KCNE4: variants seen among roughly 807,000 people sequenced by gnomAD.
KCNE4 encodes potassium voltage-gated channel subfamily E regulatory subunit 4.
A neutral mutation model predicts 9.2 loss-of-function variants in KCNE4; 6 were observed. The ratio of observed to expected loss-of-function variants is 0.65; its 90% confidence interval spans 0.36 to 1.29. The LOEUF (loss-of-function observed/expected upper bound fraction) is 1.29, where lower values mean the gene tolerates loss of function less well. Among genes scored for constraint, KCNE4 ranks in the 50% most tolerant of loss-of-function variants. The pLI is 0.03. For missense variants in KCNE4, 222 were observed against 228.8 expected (o/e 0.97, Z 0.19); for synonymous variants, 115 against 103.2 (o/e 1.11, Z -0.70).
rs2106183313 is a variant in KCNE4, at chr2:223,053,388, A to C, written c.*45A>C. The C allele has an allele frequency of 1.3e-6, 2 of 1,557,472 alleles. No individual in the cohort carries two copies. Among genetic ancestry groups the C allele is most frequent in the Middle Eastern group, 1.7e-4 (1 of 5,994 alleles). On this transcript the variant is annotated 3_prime_UTR_variant, in exon 2 of 2. Coordinates refer to ENST00000281830, the MANE Select transcript of KCNE4 (RefSeq NM_080671.4). This position sits in a 1 kb window ranked among gnomAD's most constrained non-coding sequence, Gnocchi z 4.1. ...GGTGGCTCCATCAGCCAGCAACCTT[A>C]GAGAGAGGAAAGACAGTTTTCAAGT...
chr2:223,053,627 A>C lies in KCNE4; in HGVS notation c.*284A>C. 2.1e-6 allele frequency: 1 copy of C among 473,600 alleles called. No individual in the cohort carries two copies. Among genetic ancestry groups the C allele is most frequent in the Non-Finnish European group, 4.0e-6 (1 of 250,018 alleles). 29.3% of individuals were successfully genotyped at this position (473,600 alleles called of 1,614,324 possible). Reference sequence around the variant, plus strand: ...CCTGGGTGTTGGGGTTCTGATCAGAATTTGGCGGGATGATATGTTTGCCAT... The same window carrying C: ...CCTGGGTGTTGGGGTTCTGATCAGACTTTGGCGGGATGATATGTTTGCCAT... On this transcript the variant is annotated 3_prime_UTR_variant, in exon 2 of 2. Coordinates refer to ENST00000281830, the MANE Select transcript of KCNE4 (RefSeq NM_080671.4). This position sits in a 1 kb window ranked among gnomAD's most constrained non-coding sequence, Gnocchi z 4.1.
intron 1 of KCNE4, 55 bp from the exon 2 acceptor site, chr2:223,052,753 A>C (rs1574611420): frequency 1.3e-6 from 2 of 1,583,060 alleles, no homozygotes; most frequent in Non-Finnish European, 1.7e-6. Context: ...GTGCTCCCCC[A>C]CCTCCCTGTG....
Position 223,053,033 on chromosome 2 carries a change from G to C in KCNE4, c.203G>C (p.Ser68Thr), listed in dbSNP as rs1574611652. Residue 68 changes from serine (S) to threonine (T), a missense_variant, in exon 2 of 2, where the codon AGC becomes ACC. Ser to Thr is a moderately conservative substitution (Grantham distance 58, BLOSUM62 1). Transcript: ENST00000281830. The surrounding 1 kb of genome is among the most constrained non-coding windows in gnomAD (Gnocchi z 4.1). ...MKSKRREKKS[S>T]LLLLYKDEER... ...TCCAAGAGGCGGGAGAAGAAGTCCA[G>C]CCTCCTGCTGCTGTACAAAGACGAG... is the stretch of plus-strand genomic sequence containing the variant. 3.7e-6 allele frequency: 6 copies of C among 1,614,222 alleles called. No individual in the cohort carries two copies. Among genetic ancestry groups the C allele is most frequent in the African/African-American group, 2.7e-5 (2 of 75,072 alleles).
rs186773181 is a variant in KCNE4 at position 223,054,775 on chromosome 2, C to T, written c.*1432C>T. The T allele has an allele frequency of 4.2e-5, 7 of 166,800 alleles. No individual in the cohort carries two copies. The highest frequency in any genetic ancestry group is 1.9e-4 in the East Asian group (1 of 5,186). The allele number at this position is 166,800 out of a possible 1,614,324, so 10.3% of individuals were successfully genotyped here. A position where few individuals can be genotyped will look rare whatever the true frequency, so the allele number is the denominator to read the frequency against. On this transcript the variant is annotated 3_prime_UTR_variant, in exon 2 of 2. Coordinates refer to ENST00000281830, the MANE Select transcript of KCNE4 (RefSeq NM_080671.4). ...CCTGTGGTCAACAGTTTCGCAGATC[C>T]GTTAGGCCCTTAAAGACAAGGAGGA...
rs1698726811 is a variant in KCNE4 at position 223,053,531 on chromosome 2, G to A, written c.*188G>A. Reference sequence around the variant, plus strand: ...GAACCAGCACCTCCAAGGAGTCCGGGAGGTGCCTGTGGTTTGCACCCACCA... The same window carrying A: ...GAACCAGCACCTCCAAGGAGTCCGGAAGGTGCCTGTGGTTTGCACCCACCA... On this transcript the variant is annotated 3_prime_UTR_variant, in exon 2 of 2. Transcript: ENST00000281830. The surrounding 1 kb of genome is among the most constrained non-coding windows in gnomAD (Gnocchi z 4.1). 5 of 657,912 alleles carry A rather than the reference G, an allele frequency of 7.6e-6. No homozygotes were observed. The South Asian group carries it at 9.1e-5, about 12-fold the overall frequency. The allele number at this position is 657,912 out of a possible 1,614,324, so 40.8% of individuals were successfully genotyped here. A position where few individuals can be genotyped will look rare whatever the true frequency, so the allele number is the denominator to read the frequency against.
At position 223,055,177 on chromosome 2, in the gene KCNE4, A is replaced by G. The variant is rs970750203; in HGVS notation, c.*1834A>G. ...CCGGCCACTTTTTTTTTTTTTAAAG[A>G]AAAATGCTCTGCATGGATTGGAGAC... On this transcript the variant is annotated 3_prime_UTR_variant, in exon 2 of 2. Transcript: ENST00000281830. 1.2e-5 allele frequency: 2 copies of G among 165,868 alleles called. No individual in the cohort carries two copies. The highest frequency in any genetic ancestry group is 2.1e-4 in the South Asian group (1 of 4,770). 10.3% of individuals were successfully genotyped at this position (165,868 alleles called of 1,614,324 possible).
At position 223,054,839 on chromosome 2, in the gene KCNE4, T is replaced by TA; in HGVS notation, c.*1503dup. ...ATTTAAATCTATTTAAAAAAACTTT[T>TA]AAAAAAATTATTTATTTATTATTAT... On this transcript the variant is annotated 3_prime_UTR_variant, in exon 2 of 2. Transcript: ENST00000281830. 1 of 166,664 alleles carries TA rather than the reference T, an allele frequency of 6.0e-6. No individual in the cohort carries two copies. 10.3% of individuals were successfully genotyped at this position (166,664 alleles called of 1,614,324 possible).
chr2:223,054,916 G>A lies in KCNE4; in HGVS notation c.*1573G>A, dbSNP rs908554929. On this transcript the variant is annotated 3_prime_UTR_variant, in exon 2 of 2. Coordinates refer to ENST00000281830, the MANE Select transcript of KCNE4 (RefSeq NM_080671.4). ...TCTGTTGCCCAGGCTGGAGTGCAGT[G>A]GTGCAATCTTGGCTCACTGCAACCT... 1.8e-5 allele frequency: 3 copies of A among 166,436 alleles called. No homozygotes were observed. The highest frequency in any genetic ancestry group is 6.5e-5 in the Admixed American group (1 of 15,286). The allele number at this position is 166,436 out of a possible 1,614,324, so 10.3% of individuals were successfully genotyped here.
rs778191198 is a variant in KCNE4, at chr2:223,053,355, C to A, written c.*12C>A. The A allele has an allele frequency of 1.9e-6, 3 of 1,610,718 alleles. No homozygotes were observed. The highest frequency in any genetic ancestry group is 2.7e-5 in the African/African-American group (2 of 74,882). ...ATCAGAATTCCTAGCACCCCCGGGA[C>A]CCCTGCCGGTGGCTCCATCAGCCAG... On this transcript the variant is annotated 3_prime_UTR_variant, in exon 2 of 2. Coordinates refer to ENST00000281830, the MANE Select transcript of KCNE4 (RefSeq NM_080671.4). This position sits in a 1 kb window ranked among gnomAD's most constrained non-coding sequence, Gnocchi z 4.1.
In KCNE4 at chr2:223,053,166, G is replaced by A. The variant is rs748611835; in HGVS notation, c.336G>A (p.Ala112=). 1.2e-6 allele frequency: 2 copies of A among 1,610,976 alleles called. No individual in the cohort carries two copies. Among genetic ancestry groups the A allele is most frequent in the Non-Finnish European group, 1.7e-6 (2 of 1,178,042 alleles). Residue 112 remains alanine, a synonymous_variant, in exon 2 of 2, where the codon GCG becomes GCA. Coordinates refer to ENST00000281830, the MANE Select transcript of KCNE4 (RefSeq NM_080671.4). The surrounding 1 kb of genome is among the most constrained non-coding windows in gnomAD (Gnocchi z 4.1). ...TGCTGCAGGAGAGCGTGGCGCCCGCGCTGTCCTGCACCCTCTGTTCCATGG... is the reference window on the plus strand; with the variant it reads ...TGCTGCAGGAGAGCGTGGCGCCCGCACTGTCCTGCACCCTCTGTTCCATGG... ...LNMLQESVAP[A]LSCTLCSMEG...
Position 223,053,003 on chromosome 2 carries a change from T to A in KCNE4, c.173T>A (p.Met58Lys). 1.2e-6 allele frequency: 2 copies of A among 1,614,194 alleles called. No homozygotes were observed. The highest frequency in any genetic ancestry group is 2.2e-5 in the South Asian group (2 of 91,088). The change falls in exon 2 of 2, where the codon ATG (methionine) becomes AAG (lysine). Residue 58 changes from methionine to lysine, a missense_variant. By Grantham distance (95) the Met-to-Lys change is moderately conservative. Transcript: ENST00000281830. This position sits in a 1 kb window ranked among gnomAD's most constrained non-coding sequence, Gnocchi z 4.1. Reference sequence around the variant, plus strand: ...TTGATCGGAATCATGCTGGGCTACATGAAATCCAAGAGGCGGGAGAAGAAG... The same window carrying A: ...TTGATCGGAATCATGCTGGGCTACAAGAAATCCAAGAGGCGGGAGAAGAAG... ...IFLIGIMLGY[M>K]KSKRREKKSS... is the part of the protein sequence containing the mutation.
Position 223,054,257 on chromosome 2 carries a change from G to T in KCNE4, c.*914G>T, listed in dbSNP as rs1698735887. The T allele has an allele frequency of 6.0e-6, 1 of 167,016 alleles. No homozygotes were observed. The highest frequency in any genetic ancestry group is 2.4e-5 in the African/African-American group (1 of 41,414). 10.3% of individuals were successfully genotyped at this position (167,016 alleles called of 1,614,324 possible). ...CGTCACGTAGCTGAGACCTAGAAGG[G>T]CATACTCAGGCGGAGATTGCACAAA... is the stretch of plus-strand genomic sequence containing the variant. On this transcript the variant is annotated 3_prime_UTR_variant, in exon 2 of 2. Transcript: ENST00000281830.
rs1163059273 is a variant in KCNE4 at position 223,053,345 on chromosome 2, A to T, written c.*2A>T. 2 of 1,611,730 alleles carry T rather than the reference A, an allele frequency of 1.2e-6. No individual in the cohort carries two copies. Among genetic ancestry groups the T allele is most frequent in the Admixed American group, 3.3e-5 (2 of 59,826 alleles). ...GAGAACATCCATCAGAATTCCTAGC[A>T]CCCCCGGGACCCCTGCCGGTGGCTC... On this transcript the variant is annotated 3_prime_UTR_variant, in exon 2 of 2. Transcript: ENST00000281830. This position sits in a 1 kb window ranked among gnomAD's most constrained non-coding sequence, Gnocchi z 4.1.
intron 1 of KCNE4, among the ~76,000 whole-genome samples, chr2:223,052,501 C>T (rs1698707638): frequency 8.1e-6 from 1 of 123,116 alleles, no homozygotes; most frequent in South Asian, 3.3e-4. Flanking sequence ...ACTGTATGCT[C>T]CTGTCTTACA....
At position 223,052,922 on chromosome 2, in the gene KCNE4, G is replaced by A; in HGVS notation, c.92G>A (p.Gly31Asp). Residue 31 changes from glycine (G) to aspartate (D), a missense_variant, in exon 2 of 2, where the codon GGC becomes GAC. Coordinates refer to ENST00000281830, the MANE Select transcript of KCNE4 (RefSeq NM_080671.4). Reference protein sequence around the residue: ...LESRAAGGGSGNGNEYFYILV... With the variant: ...LESRAAGGGSDNGNEYFYILV... Reference sequence around the variant, plus strand: ...TCCCGTGCGGCCGGCGGCGGCAGCGGCAATGGCAACGAGTACTTCTACATT... The same window carrying A: ...TCCCGTGCGGCCGGCGGCGGCAGCGACAATGGCAACGAGTACTTCTACATT... 1 of 1,614,150 alleles carries A rather than the reference G, an allele frequency of 6.2e-7. No individual in the cohort carries two copies. The highest frequency in any genetic ancestry group is 8.5e-7 in the Non-Finnish European group (1 of 1,179,986).
chr2:223,052,571 T>TAAAAAAA (rs71906281), intron 1 of KCNE4, among the ~76,000 whole-genome samples: 2 of 131,994 alleles, frequency 1.5e-5, no homozygotes, highest in East Asian at 2.2e-4. Flanking sequence ...ATGTGTACAC[T>TAAAAAAA]AAAAAAAAAA....
Position 223,053,666 on chromosome 2 carries a change from G to T in KCNE4, c.*323G>T. ...TATGTTTGCCATTTTCTCACTGGAT[G>T]CCCTGGGTAGCTCCTGCAGGGTCTG... On this transcript the variant is annotated 3_prime_UTR_variant, in exon 2 of 2. Transcript: ENST00000281830. This position sits in a 1 kb window ranked among gnomAD's most constrained non-coding sequence, Gnocchi z 4.1. 2 of 393,410 alleles carry T rather than the reference G, an allele frequency of 5.1e-6. No individual in the cohort carries two copies. Among genetic ancestry groups the T allele is most frequent in the South Asian group, 2.6e-5 (1 of 38,336 alleles). The allele number at this position is 393,410 out of a possible 1,614,324, so 24.4% of individuals were successfully genotyped here.
rs1025890305 is a variant in KCNE4, at chr2:223,053,311, G to A, written c.481G>A (p.Gly161Arg). The change falls in exon 2 of 2, where the codon GGG becomes AGG. Residue 161 changes from glycine (G) to arginine (R), a missense_variant. Coordinates refer to ENST00000281830, the MANE Select transcript of KCNE4 (RefSeq NM_080671.4). The surrounding 1 kb of genome is among the most constrained non-coding windows in gnomAD (Gnocchi z 4.1). ...SETPLNESSE[G>R]SSENIHQNS is the part of the protein sequence containing the mutation. ...GACGCCCCTCAACGAGAGCAGCGAA[G>A]GGTCCTCGGAGAACATCCATCAGAA... The A allele has an allele frequency of 1.9e-6, 3 of 1,613,950 alleles. No individual in the cohort carries two copies. Among genetic ancestry groups the A allele is most frequent in the South Asian group, 1.1e-5 (1 of 91,072 alleles).
intron 1 of KCNE4, among the ~76,000 whole-genome samples, 191 bp downstream of exon 1, chr2:223,052,465 G>C (rs1048202327): frequency 6.8e-6 from 1 of 147,278 alleles, no homozygotes; most frequent in East Asian, 2.0e-4. Flanking sequence ...GTTAAAATAC[G>C]TTTCCCAGTT....
Sources: gnomAD v4.1 joint callset for allele counts (sites outside exome capture counted in the v4.1 genomes callset) on GRCh38, gnomAD v4.1.1 for gene constraint, Gnocchi (gnomAD v3.1) non-coding constraint, MANE v1.5 for transcripts, NCBI Gene and HGNC (gene_info 2026-07-23, HGNC 2026-07-21) for gene names.